The following NAA15 variants were observed in gnomAD, a reference collection of about 807,000 sequenced individuals.
NAA15 encodes the protein N-alpha-acetyltransferase 15, NatA auxiliary subunit, also known as N-terminal acetyltransferase.
A neutral mutation model predicts 114.0 loss-of-function variants in NAA15; 34 were observed. That is an observed-to-expected ratio of 0.30 (90% CI 0.23 to 0.40). NAA15 has a LOEUF of 0.40. Ranked by LOEUF, NAA15 falls within the 10% of genes least tolerant of loss-of-function variation. The pLI, the probability that NAA15 is intolerant of heterozygous loss-of-function variation, is 1.00. For missense variants in NAA15, 658 were observed against 1,004.5 expected (o/e 0.66, Z 4.66); for synonymous variants, 340 against 338.0 (o/e 1.01, Z -0.06).
chr4:139,354,191 A>G, intron 10 of NAA15, 93 bp downstream of exon 10: 1 of 941,698 alleles, frequency 1.1e-6, no homozygotes, highest in Non-Finnish European at 1.7e-6. Context: ...TTACTTAGGC[A>G]GTAAGCACAG....
intron 1 of NAA15, among the ~76,000 whole-genome samples, chr4:139,328,486 G>A (rs1746880914): frequency 2.0e-5 from 3 of 152,192 alleles, no homozygotes; most frequent in Non-Finnish European, 2.9e-5. Context: ...GGGATTACAG[G>A]CGTGAGCCAC....
intron 15 of NAA15, among the ~76,000 whole-genome samples, chr4:139,376,082 G>C (rs769582683): frequency 2.0e-5 from 3 of 151,998 alleles, no homozygotes; most frequent in Non-Finnish European, 4.4e-5. Context: ...TATCTGACCT[G>C]TTTCTCTTTC....
In NAA15 at chr4:139,388,000, G is replaced by A. The variant is rs1310287450; in HGVS notation, c.2517G>A (p.Met839Ile). 6.2e-7 allele frequency: 1 copy of A among 1,613,954 alleles called. No individual in the cohort carries two copies. The highest frequency in any genetic ancestry group is 1.1e-5 in the South Asian group (1 of 91,076). Residue 839 changes from methionine (M) to isoleucine (I), a missense_variant, in exon 20 of 20, where the codon ATG (methionine) becomes ATA (isoleucine). This residue lies in a region of NAA15 where 275 missense variants were observed against 371.1 expected (regional missense o/e 0.74). Coordinates refer to ENST00000296543, the MANE Select transcript of NAA15 (RefSeq NM_057175.5). ...TTTTCCCTTATGCTTTGGCTTTCAT[G>A]CCTCCTGGATATGAAGAGGATATGA... ...HKLFPYALAF[M>I]PPGYEEDMKI...
chr4:139,352,501 T>G (rs1037564315), intron 9 of NAA15, among the ~76,000 whole-genome samples: 2 of 152,076 alleles, frequency 1.3e-5, no homozygotes, highest in South Asian at 4.1e-4. Context: ...TCAGTTACAT[T>G]GAAGAGTCAA....
intron 18 of NAA15, 68 bp from the exon 19 acceptor site, chr4:139,386,065 T>A: frequency 1.3e-6 from 1 of 794,546 alleles, no homozygotes. Context: ...GCCTTTTATA[T>A]TTAAATAAGT....
At chr4:139,386,264 A>G in intron 19 of NAA15, 34 bp downstream of exon 19, 1 of 1,186,416 alleles carries the variant, frequency 8.4e-7, no homozygotes, top group South Asian at 1.3e-5. Flanking sequence ...CTGTAAGAAT[A>G]CTTAACTACT....
chr4:139,353,888 G>A (rs1747859373), intron 9 of NAA15, 138 bp from the exon 10 acceptor site: 1 of 626,916 alleles, frequency 1.6e-6, no homozygotes, highest in Non-Finnish European at 2.8e-6. Context: ...GTATCTAGAG[G>A]TTAAGATATT....
At chr4:139,348,346 A>G (rs1747664538) in intron 6 of NAA15, among the ~76,000 whole-genome samples, 1 of 151,148 alleles carries the variant, frequency 6.6e-6, no homozygotes, top group African/African-American at 2.4e-5. Context: ...TCCAGCTACT[A>G]GGGAGGCTGA....
chr4:139,349,657 C>A, intron 7 of NAA15, 76 bp downstream of exon 7: 1 of 1,384,542 alleles, frequency 7.2e-7, no homozygotes, highest in Non-Finnish European at 9.8e-7. Flanking sequence ...TTGAAAAGCA[C>A]AACTAGAATA....
At chr4:139,311,326 ATTTG>A (rs1317027271) in intron 1 of NAA15, among the ~76,000 whole-genome samples, 5 of 151,908 alleles carry the variant, frequency 3.3e-5, no homozygotes, top group Non-Finnish European at 7.4e-5. Context: ...TTTAATAAAT[ATTTG>A]TTATGTGAAG....
intron 1 of NAA15, among the ~76,000 whole-genome samples, chr4:139,323,363 T>C (rs1384923043): frequency 6.6e-6 from 1 of 152,106 alleles, no homozygotes; most frequent in Non-Finnish European, 1.5e-5. Context: ...CTGGCTAATT[T>C]TTGTATTTTT....
intron 1 of NAA15, among the ~76,000 whole-genome samples, chr4:139,312,780 A>G (rs1230402584): frequency 6.6e-6 from 1 of 151,698 alleles, no homozygotes; most frequent in Non-Finnish European, 1.5e-5. Flanking sequence ...TAGGAGTTCA[A>G]GACTGCAGTG....
At chr4:139,362,553 C>T (rs1382868361) in intron 14 of NAA15, among the ~76,000 whole-genome samples, 1 of 152,096 alleles carries the variant, frequency 6.6e-6, no homozygotes, top group Admixed American at 6.5e-5. Flanking sequence ...GATTGGCCTC[C>T]TAAAGTGCTG....
intron 6 of NAA15, among the ~76,000 whole-genome samples, chr4:139,346,631 A>G (rs765848798): frequency 6.6e-6 from 1 of 151,836 alleles, no homozygotes; most frequent in African/African-American, 2.4e-5. Flanking sequence ...GCTCGCCGCA[A>G]CCTCCACCTC....
At chr4:139,342,479 G>GT (rs11402847) in intron 4 of NAA15, among the ~76,000 whole-genome samples, 8,955 of 125,462 alleles carry the variant, frequency 0.071, 1,183 homozygotes, top group African/African-American at 0.24. Flanking sequence ...ATTAATGTGT[G>GT]TTTTTTTTTT....
intron 7 of NAA15, among the ~76,000 whole-genome samples, chr4:139,350,018 G>T (rs924433439): frequency 6.6e-6 from 1 of 151,934 alleles, no homozygotes; most frequent in African/African-American, 2.4e-5. Context: ...AAGTACATTT[G>T]CAAACTTCTA....
At chr4:139,318,956 T>C (rs1746508375) in intron 1 of NAA15, among the ~76,000 whole-genome samples, 1 of 152,102 alleles carries the variant, frequency 6.6e-6, no homozygotes, top group African/African-American at 2.4e-5. Context: ...TAATCCCTTA[T>C]CCAGTTACAG....
chr4:139,339,954 A>AT (rs1350738792), intron 3 of NAA15, among the ~76,000 whole-genome samples: 22 of 152,134 alleles, frequency 1.4e-4, no homozygotes, highest in African/African-American at 5.1e-4. Flanking sequence ...AATTTTGCTT[A>AT]TTTATCTGTC....
At chr4:139,304,189 A>G (rs558149103) in intron 1 of NAA15, among the ~76,000 whole-genome samples, 26 of 152,344 alleles carry the variant, frequency 1.7e-4, no homozygotes, top group Middle Eastern at 6.8e-3. Flanking sequence ...AAGTGCTGCT[A>G]TTACAGGCGT....
Sources: allele counts gnomAD v4.1 joint callset (sites outside exome capture counted in the v4.1 genomes callset), GRCh38; gene constraint gnomAD v4.1.1; regional missense constraint gnomAD v4.1.1; transcripts MANE v1.5; gene names NCBI Gene and HGNC (gene_info 2026-07-23, HGNC 2026-07-21).